Variants in FRMD4A observed in about 807,000 individuals in gnomAD.
FRMD4A encodes FERM domain containing 4A, also known as FERM domain-containing protein 4A.
FRMD4A carries 29 observed loss-of-function variants against 129.1 expected under a neutral mutation model. That is an observed-to-expected ratio of 0.22 (90% confidence interval 0.17 to 0.31). FRMD4A has a LOEUF of 0.31. Among genes scored for constraint, FRMD4A ranks in the 10% least tolerant of loss-of-function variants. The pLI, the probability that FRMD4A is intolerant of heterozygous loss-of-function variation, is 1.00. For missense variants in FRMD4A, 1,272 were observed against 1,375.8 expected, an observed-to-expected ratio of 0.92 and a Z score of 1.19; for synonymous variants, 634 against 571.6, an observed-to-expected ratio of 1.11 and a Z score of -1.56.
At chr10:13,899,907 G>A (rs113508882) in intron 2 of FRMD4A, among the ~76,000 whole-genome samples, 18 of 152,274 alleles carry the variant, frequency 1.2e-4, no homozygotes, top group African/African-American at 3.4e-4. Context: ...CTCCTGTGTC[G>A]TTCCATCAGT....
intron 8 of FRMD4A, among the ~76,000 whole-genome samples, chr10:13,756,900 G>A (rs961071988): frequency 5.9e-5 from 9 of 152,114 alleles, no homozygotes; most frequent in African/African-American, 1.4e-4. Flanking sequence ...AAAATTGGAC[G>A]TCCTATCAGT....
At chr10:14,216,791 A>G (rs556063535) in intron 2 of FRMD4A, among the ~76,000 whole-genome samples, 39 of 152,174 alleles carry the variant, frequency 2.6e-4, no homozygotes, top group African/African-American at 7.0e-4. Context: ...TGTATATTTC[A>G]TAAGTGTCTA....
At chr10:13,913,893 T>G (rs2094970479) in intron 2 of FRMD4A, among the ~76,000 whole-genome samples, 1 of 152,232 alleles carries the variant, frequency 6.6e-6, no homozygotes, top group Non-Finnish European at 1.5e-5. Flanking sequence ...CAGGCGGATA[T>G]GAGCTGTAGC....
At chr10:13,738,809 C>T (rs916966133) in intron 11 of FRMD4A, among the ~76,000 whole-genome samples, 4 of 152,100 alleles carry the variant, frequency 2.6e-5, no homozygotes, top group African/African-American at 9.7e-5. Flanking sequence ...TTAGTAGAGA[C>T]AGGATTTCAC....
In FRMD4A at chr10:13,761,635, T is replaced by C. The variant is rs760113711; in HGVS notation, c.464+12A>G. On this transcript the variant is annotated intron_variant, in intron 8 of 24. Coordinates refer to ENST00000357447, the MANE Select transcript of FRMD4A (RefSeq NM_018027.5). Reference sequence around the variant, plus strand: ...CATTTTAAACAACACAACAACAAAATTGTAAACTTACCTAGAAAAATCTCC... The same window carrying C: ...CATTTTAAACAACACAACAACAAAACTGTAAACTTACCTAGAAAAATCTCC... 33 of 1,597,464 alleles carry C rather than the reference T, an allele frequency of 2.1e-5. No individual in the cohort carries two copies. Among genetic ancestry groups the C allele is most frequent in the African/African-American group, 8.1e-5 (6 of 74,404 alleles).
At chr10:14,118,696 G>A (rs948326593) in intron 2 of FRMD4A, among the ~76,000 whole-genome samples, 2 of 152,206 alleles carry the variant, frequency 1.3e-5, no homozygotes, top group African/African-American at 2.4e-5. Flanking sequence ...GAGAGCTTGT[G>A]CAGGGGAACT....
intron 2 of FRMD4A, among the ~76,000 whole-genome samples, chr10:14,122,821 G>A (rs909730201): frequency 6.6e-6 from 1 of 152,110 alleles, no homozygotes; most frequent in Non-Finnish European, 1.5e-5. Flanking sequence ...AGGGTTTATA[G>A]CGATGTTTCA....
chr10:13,702,891 T>A, intron 13 of FRMD4A, among the ~76,000 whole-genome samples: 1 of 136,666 alleles, frequency 7.3e-6, no homozygotes. Context: ...TTTTTCTCCC[T>A]TCGGTTCCAA....
chr10:13,714,059 T>A (rs80320920), intron 12 of FRMD4A, among the ~76,000 whole-genome samples: 1,236 of 100,654 alleles, frequency 0.012, 56 homozygotes, highest in East Asian at 0.028. Flanking sequence ...TATATATATA[T>A]AAAATATACT....
intron 2 of FRMD4A, among the ~76,000 whole-genome samples, chr10:13,963,498 C>T (rs1469855848): frequency 6.6e-6 from 1 of 152,010 alleles, no homozygotes; most frequent in East Asian, 1.9e-4. Flanking sequence ...ATCCATCAGT[C>T]CAAGACTGGT....
chr10:13,897,955 A>AG (rs1554962414), intron 2 of FRMD4A, among the ~76,000 whole-genome samples: 1,912 of 132,276 alleles, frequency 0.014, 61 homozygotes, highest in African/African-American at 0.05. Flanking sequence ...AAAAAAAAAA[A>AG]GCTAAGATAT....
intron 4 of FRMD4A, among the ~76,000 whole-genome samples, chr10:13,808,778 G>T (rs1014067433): frequency 1.3e-5 from 2 of 152,190 alleles, no homozygotes; most frequent in Admixed American, 1.3e-4. Flanking sequence ...CCAGCTGGCT[G>T]GCCGCCACTC....
At chr10:14,121,410 A>G (rs1485264016) in intron 2 of FRMD4A, among the ~76,000 whole-genome samples, 1 of 152,100 alleles carries the variant, frequency 6.6e-6, no homozygotes, top group Non-Finnish European at 1.5e-5. Flanking sequence ...AACAAAAAAC[A>G]CAGATTCTGA....
chr10:13,943,777 A>G (rs2614154), intron 2 of FRMD4A, among the ~76,000 whole-genome samples: 8,420 of 151,964 alleles, frequency 0.055, 546 homozygotes, highest in East Asian at 0.27. Context: ...CCTTCTGTTT[A>G]GATAACAAAG....
intron 4 of FRMD4A, among the ~76,000 whole-genome samples, chr10:13,806,435 C>T (rs1267800372): frequency 6.6e-6 from 1 of 152,148 alleles, no homozygotes; most frequent in Non-Finnish European, 1.5e-5. Context: ...CACCTGGAAA[C>T]ATTAAACCTG....
At chr10:14,272,557 C>T (rs1351355511) in intron 2 of FRMD4A, among the ~76,000 whole-genome samples, 1 of 152,152 alleles carries the variant, frequency 6.6e-6, no homozygotes, top group Non-Finnish European at 1.5e-5. Context: ...CTAGAATTTC[C>T]TAAAGGTAGG....
At chr10:13,919,830 C>G (rs564600204) in intron 2 of FRMD4A, among the ~76,000 whole-genome samples, 1 of 151,904 alleles carries the variant, frequency 6.6e-6, no homozygotes, top group African/African-American at 2.4e-5. Flanking sequence ...CCCAGCCATT[C>G]GGGAGGCTGA....
chr10:13,680,165 A>T (rs192229537), intron 15 of FRMD4A, among the ~76,000 whole-genome samples: 139 of 152,316 alleles, frequency 9.1e-4, no homozygotes, highest in Non-Finnish European at 1.5e-3. Flanking sequence ...TGGGACTGTC[A>T]AAAACTAAAA....
chr10:13,651,446 T>C (rs2081573756), intron 24 of FRMD4A: 1 of 159,448 alleles, frequency 6.3e-6, no homozygotes, highest in African/African-American at 2.4e-5. Context: ...AAATATACTT[T>C]GGGGCCAGGC....
Sources: gnomAD v4.1 joint callset for allele counts (sites outside exome capture counted in the v4.1 genomes callset) on GRCh38, gnomAD v4.1.1 for gene constraint, MANE v1.5 for transcripts, NCBI Gene and HGNC (gene_info 2026-07-23, HGNC 2026-07-21) for gene names.